Variants in PGBD5 observed in about 807,000 individuals in gnomAD.
The protein encoded by PGBD5 is piggyBac transposable element-derived protein 5.
A neutral mutation model predicts 47.9 loss-of-function variants in PGBD5; 14 were observed. The ratio of observed to expected loss-of-function variants is 0.29; its 90% confidence interval spans 0.19 to 0.46. The LOEUF (loss-of-function observed/expected upper bound fraction) is 0.46. PGBD5 is among the 20% of genes least tolerant of loss of function. The pLI is 1.00. For synonymous variants in PGBD5, 316 were observed against 306.3 expected (o/e 1.03, Z -0.33); for missense variants, 635 against 716.0 (o/e 0.89, Z 1.29).
intron 3 of PGBD5, among the ~76,000 whole-genome samples, chr1:230,346,776 G>A (rs1406990138): frequency 3.3e-5 from 5 of 152,182 alleles, no homozygotes; most frequent in African/African-American, 7.2e-5. Context: ...GTCCTGCGAC[G>A]TACAGACACA....
intron 1 of PGBD5, among the ~76,000 whole-genome samples, chr1:230,396,472 CTACTTCCGCA>C (rs1227818317): frequency 7.2e-6 from 1 of 139,606 alleles, no homozygotes; most frequent in East Asian, 2.2e-4. Context: ...CAACTTCCCC[CTACTTCCGCA>C]GCCAGGGTCC....
intron 6 of PGBD5, among the ~76,000 whole-genome samples, chr1:230,324,012 A>G (rs1667077586): frequency 6.6e-6 from 1 of 152,194 alleles, no homozygotes; most frequent in African/African-American, 2.4e-5. Context: ...CCCAAGGCCA[A>G]GCTCTTCCTC....
intron 3 of PGBD5, among the ~76,000 whole-genome samples, chr1:230,345,926 T>G (rs1667467357): frequency 6.6e-6 from 1 of 152,216 alleles, no homozygotes; most frequent in South Asian, 2.1e-4. Context: ...CTCACTATGT[T>G]GTACAGGCTG....
intron 2 of PGBD5, among the ~76,000 whole-genome samples, chr1:230,351,976 G>A (rs1056490982): frequency 6.6e-6 from 1 of 152,060 alleles, no homozygotes; most frequent in African/African-American, 2.4e-5. Context: ...TAAACTTCAG[G>A]AACGTGCTAC....
At chr1:230,326,970 AG>A (rs2102811686) in intron 5 of PGBD5, among the ~76,000 whole-genome samples, 1 of 152,302 alleles carries the variant, frequency 6.6e-6, no homozygotes, top group African/African-American at 2.4e-5. Flanking sequence ...TCCTACCAGC[AG>A]GGCCTGAGAA....
intron 1 of PGBD5, among the ~76,000 whole-genome samples, chr1:230,389,276 G>A (rs529149473): frequency 2.6e-5 from 4 of 151,798 alleles, no homozygotes; most frequent in South Asian, 2.1e-4. Context: ...GGGTTCAAGC[G>A]ATTCTCCTGC....
Position 230,337,248 on chromosome 1 carries a change from A to G in PGBD5, c.935T>C (p.Leu312Pro). ...CTGGGGCTTATTCTTCAGCGCATCC[A>G]GGCCATCTGGGCCCCCACCTTCCTT... ...HLKEGGGPDG[L>P]DALKNKPQLH... Residue 312 changes from leucine to proline, a missense_variant, in exon 4 of 7, where the codon CTG becomes CCG. By Grantham distance (98) the Leu-to-Pro change is moderately conservative. Coordinates refer to ENST00000391860, the MANE Select transcript of PGBD5 (RefSeq NM_001258311.2). 1 of 1,613,770 alleles carries G rather than the reference A, an allele frequency of 6.2e-7. No individual in the cohort carries two copies. The highest frequency in any genetic ancestry group is 1.6e-4 in the Middle Eastern group (1 of 6,062).
At chr1:230,327,620 G>A (rs1231496481) in intron 5 of PGBD5, among the ~76,000 whole-genome samples, 1 of 152,248 alleles carries the variant, frequency 6.6e-6, no homozygotes, top group Non-Finnish European at 1.5e-5. Flanking sequence ...CTGGCCGGAA[G>A]ACTATGGCCT....
At chr1:230,325,162 G>A (rs985783843) in intron 6 of PGBD5, 148 bp downstream of exon 6, 1 of 645,628 alleles carries the variant, frequency 1.5e-6, no homozygotes, top group Non-Finnish European at 2.7e-6. Flanking sequence ...AGGCCCAGAA[G>A]CCCAGGCTGA....
In PGBD5 at chr1:230,425,485, A is replaced by G; in HGVS notation, c.331+113T>C. ...TGCAGCCTCATTTGTTTCCGGAGAG[A>G]CACCCACAAGCCAGCCCACGGAGAG... On this transcript the variant is annotated intron_variant, in intron 1 of 6. Transcript: ENST00000391860. This position sits in a 1 kb window ranked among gnomAD's most constrained non-coding sequence, Gnocchi z 4.7. 1 of 786,476 alleles carries G rather than the reference A, an allele frequency of 1.3e-6. No homozygotes were observed. The highest frequency in any genetic ancestry group is 1.7e-6 in the Non-Finnish European group (1 of 589,580). 48.7% of individuals were successfully genotyped at this position (786,476 alleles called of 1,614,324 possible).
intron 3 of PGBD5, among the ~76,000 whole-genome samples, chr1:230,346,961 C>T (rs1374811622): frequency 6.6e-6 from 1 of 152,136 alleles, no homozygotes; most frequent in South Asian, 2.1e-4. Context: ...TGCATTGGTG[C>T]AGGTCTTATC....
chr1:230,356,851 C>G, intron 2 of PGBD5, 43 bp downstream of exon 2: 3 of 1,579,186 alleles, frequency 1.9e-6, no homozygotes, highest in Non-Finnish European at 2.6e-6. Flanking sequence ...GCCGAGAGAG[C>G]GAGGACACCT....
chr1:230,415,360 A>G (rs1657491916), intron 1 of PGBD5, among the ~76,000 whole-genome samples: 1 of 152,108 alleles, frequency 6.6e-6, no homozygotes, highest in Non-Finnish European at 1.5e-5. Flanking sequence ...CCTCCCAGAA[A>G]AATCTCCCTG....
chr1:230,384,634 T>C (rs995086456), intron 1 of PGBD5, among the ~76,000 whole-genome samples: 5 of 152,022 alleles, frequency 3.3e-5, no homozygotes, highest in African/African-American at 4.8e-5. Flanking sequence ...ACGTAAAGGA[T>C]AGAAGGAACC....
intron 1 of PGBD5, among the ~76,000 whole-genome samples, chr1:230,376,424 T>G (rs1668016095): frequency 6.7e-6 from 1 of 149,216 alleles, no homozygotes; most frequent in Non-Finnish European, 1.5e-5. Context: ...CTCAGAATGA[T>G]CCTTCCCACA....
intron 5 of PGBD5, among the ~76,000 whole-genome samples, chr1:230,332,552 T>C (rs890639438): frequency 4.6e-5 from 7 of 152,222 alleles, no homozygotes; most frequent in African/African-American, 1.7e-4. Flanking sequence ...GCCATTCAAA[T>C]GCAGCCATTA....
At chr1:230,339,731 G>A (rs746496381) in intron 3 of PGBD5, among the ~76,000 whole-genome samples, 7 of 152,328 alleles carry the variant, frequency 4.6e-5, no homozygotes, top group Non-Finnish European at 7.3e-5. Flanking sequence ...GACATTAAGC[G>A]AAGTGAAATA....
At chr1:230,401,215 C>T (rs776032236) in intron 1 of PGBD5, among the ~76,000 whole-genome samples, 20 of 152,218 alleles carry the variant, frequency 1.3e-4, no homozygotes, top group Admixed American at 2.6e-4. Flanking sequence ...CCTGGGTCAC[C>T]GGCTCCCTTG....
At chr1:230,398,724 G>A (rs1657060357) in intron 1 of PGBD5, among the ~76,000 whole-genome samples, 1 of 152,202 alleles carries the variant, frequency 6.6e-6, no homozygotes, top group African/African-American at 2.4e-5. Context: ...GCTCCTGGCA[G>A]TGACCCCACC....
Sources: gnomAD v4.1 joint callset for allele counts (sites outside exome capture counted in the v4.1 genomes callset) on GRCh38, gnomAD v4.1.1 for gene constraint, Gnocchi (gnomAD v3.1) non-coding constraint, MANE v1.5 for transcripts, NCBI Gene and HGNC (gene_info 2026-07-23, HGNC 2026-07-21) for gene names.